Variants in ARHGAP24 observed in about 807,000 individuals in gnomAD.
ARHGAP24 encodes Rho GTPase activating protein 24.
ARHGAP24 carries 50 observed loss-of-function variants against 76.4 expected under a neutral mutation model. That is an observed-to-expected ratio of 0.65 (90% CI 0.52 to 0.83). The LOEUF is 0.83. ARHGAP24 is among the 40% of genes least tolerant of loss of function. The pLI is 0.00. For synonymous variants in ARHGAP24, 345 were observed against 323.3 expected (o/e 1.07, Z -0.72); for missense variants, 930 against 914.2 (o/e 1.02, Z -0.22).
chr4:85,941,244 G>A (rs1736930619), intron 4 of ARHGAP24, among the ~76,000 whole-genome samples: 1 of 152,108 alleles, frequency 6.6e-6, no homozygotes, highest in African/African-American at 2.4e-5. Context: ...GTGGAGTACT[G>A]AGGGTGAAAT....
At chr4:85,512,534 T>G (rs1724323971) in intron 1 of ARHGAP24, among the ~76,000 whole-genome samples, 1 of 152,162 alleles carries the variant, frequency 6.6e-6, no homozygotes, top group African/African-American at 2.4e-5. Context: ...ATTACTATAT[T>G]TTATTAAAAG....
At chr4:85,924,411 A>G (rs534268619) in intron 4 of ARHGAP24, among the ~76,000 whole-genome samples, 252 of 152,320 alleles carry the variant, frequency 1.7e-3, no homozygotes, top group Non-Finnish European at 2.7e-3. Context: ...ATAGAATCAT[A>G]TAAACAGAAA....
intron 5 of ARHGAP24, among the ~76,000 whole-genome samples, chr4:85,964,174 AC>A (rs1738433316): frequency 6.6e-6 from 1 of 152,118 alleles, no homozygotes; most frequent in Non-Finnish European, 1.5e-5. Flanking sequence ...ATTCCAACAT[AC>A]TGCTCAGTCA....
At chr4:85,640,551 T>C (rs1255413861) in intron 2 of ARHGAP24, among the ~76,000 whole-genome samples, 1 of 152,200 alleles carries the variant, frequency 6.6e-6, no homozygotes, top group East Asian at 1.9e-4. Flanking sequence ...TATAAGAATT[T>C]TCATGACACT....
intron 3 of ARHGAP24, among the ~76,000 whole-genome samples, chr4:85,893,783 G>T (rs979051841): frequency 6.6e-6 from 1 of 151,500 alleles, no homozygotes; most frequent in Non-Finnish European, 1.5e-5. Flanking sequence ...TCTCTCTCGG[G>T]TTCATGTCCT....
chr4:85,683,380 A>C (rs1723304011), intron 2 of ARHGAP24, among the ~76,000 whole-genome samples: 1 of 152,182 alleles, frequency 6.6e-6, no homozygotes, highest in Non-Finnish European at 1.5e-5. Flanking sequence ...GATACAGAGA[A>C]AACTGCTCTT....
chr4:85,859,954 T>A (rs1346149182), intron 3 of ARHGAP24, among the ~76,000 whole-genome samples: 1 of 152,112 alleles, frequency 6.6e-6, no homozygotes, highest in Non-Finnish European at 1.5e-5. Context: ...CAAGCATTTT[T>A]CCTGATATTA....
At chr4:85,945,759 CAAA>C (rs35877734) in intron 5 of ARHGAP24, among the ~76,000 whole-genome samples, 2 of 62,472 alleles carry the variant, frequency 3.2e-5, no homozygotes, top group Non-Finnish European at 3.8e-5. Context: ...GACTCAGCCT[CAAA>C]AAAAAAAAAA....
chr4:85,739,275 G>A (rs1725729098), intron 3 of ARHGAP24, among the ~76,000 whole-genome samples: 1 of 152,126 alleles, frequency 6.6e-6, no homozygotes, highest in Non-Finnish European at 1.5e-5. Context: ...TCTTCAGGTG[G>A]TCAATATGCA....
At chr4:85,797,292 C>T (rs71599428) in intron 3 of ARHGAP24, among the ~76,000 whole-genome samples, 30,311 of 151,886 alleles carry the variant, frequency 0.2, 4,091 homozygotes, top group Non-Finnish European at 0.3. Flanking sequence ...CCTGCCTCAG[C>T]CTCCCCAGCA....
At chr4:85,819,338 T>A (rs115040418) in intron 3 of ARHGAP24, among the ~76,000 whole-genome samples, 1 of 152,206 alleles carries the variant, frequency 6.6e-6, no homozygotes, top group Non-Finnish European at 1.5e-5. Flanking sequence ...CAATATCTGA[T>A]TGCAATCTCA....
intron 2 of ARHGAP24, among the ~76,000 whole-genome samples, chr4:85,616,991 T>G (rs1181692363): frequency 1.3e-5 from 2 of 151,418 alleles, no homozygotes; most frequent in East Asian, 3.9e-4. Context: ...ACATTTGCAT[T>G]TATTTGCATA....
chr4:85,628,181 T>C (rs937325225), intron 2 of ARHGAP24, among the ~76,000 whole-genome samples: 1 of 152,202 alleles, frequency 6.6e-6, no homozygotes, highest in Non-Finnish European at 1.5e-5. Flanking sequence ...CACTGGGAGC[T>C]ATAGACCGGA....
chr4:85,651,432 G>T (rs1042909145), intron 2 of ARHGAP24, among the ~76,000 whole-genome samples: 6 of 149,070 alleles, frequency 4.0e-5, no homozygotes, highest in South Asian at 4.1e-4. Flanking sequence ...GAGATGGGAC[G>T]TGAAGGACAC....
intron 2 of ARHGAP24, among the ~76,000 whole-genome samples, chr4:85,686,920 A>G (rs749782018): frequency 2.0e-5 from 3 of 152,124 alleles, no homozygotes; most frequent in Non-Finnish European, 4.4e-5. Flanking sequence ...TTCATTAGAA[A>G]CTGAGTAAAG....
At chr4:85,611,119 A>T (rs189323239) in intron 2 of ARHGAP24, among the ~76,000 whole-genome samples, 70 of 152,348 alleles carry the variant, frequency 4.6e-4, no homozygotes, top group African/African-American at 1.6e-3. Context: ...AGTTATACAC[A>T]TAACTATTTC....
chr4:85,983,789 C>T (rs542559433), intron 8 of ARHGAP24, among the ~76,000 whole-genome samples: 11 of 152,288 alleles, frequency 7.2e-5, no homozygotes, highest in African/African-American at 1.7e-4. Context: ...TCTTCTTCTG[C>T]CCTTCCTCAT....
At chr4:85,616,174 A>G (rs1720533230) in intron 2 of ARHGAP24, among the ~76,000 whole-genome samples, 1 of 152,188 alleles carries the variant, frequency 6.6e-6, no homozygotes, top group African/African-American at 2.4e-5. Context: ...CCTGAAAACC[A>G]AAGGCATGAA....
intron 2 of ARHGAP24, among the ~76,000 whole-genome samples, chr4:85,604,803 G>A (rs559165002): frequency 1.8e-4 from 28 of 151,762 alleles, no homozygotes; most frequent in Middle Eastern, 6.8e-3. Flanking sequence ...GGTCAGGTGG[G>A]TCTTGAACTC....
Sources: allele counts gnomAD v4.1 joint callset (sites outside exome capture counted in the v4.1 genomes callset), GRCh38; gene constraint gnomAD v4.1.1; transcripts MANE v1.5; gene names NCBI Gene and HGNC (gene_info 2026-07-23, HGNC 2026-07-21).